TMEM108: variants seen among roughly 807,000 people sequenced by gnomAD.
TMEM108 encodes the protein cancer/testis antigen 124.
A neutral mutation model predicts 35.1 loss-of-function variants in TMEM108; 12 were observed. The observed-to-expected ratio is 0.34, with a 90% CI of 0.22 to 0.55. The LOEUF (loss-of-function observed/expected upper bound fraction) is 0.55, where lower values mean the gene tolerates loss of function less well. Among genes scored for constraint, TMEM108 ranks in the 20% least tolerant of loss-of-function variants. The pLI is 0.89. For missense variants in TMEM108, 680 were observed against 753.3 expected (o/e 0.90, Z 1.14); for synonymous variants, 287 against 308.6 (o/e 0.93, Z 0.73).
intron 2 of TMEM108, among the ~76,000 whole-genome samples, chr3:133,113,176 A>G (rs1234944718): frequency 1.3e-5 from 2 of 152,088 alleles, no homozygotes; most frequent in Non-Finnish European, 2.9e-5. Flanking sequence ...ATGTGAATGG[A>G]TGGGTGGCTC....
chr3:133,326,616 G>C (rs562551664), intron 3 of TMEM108, among the ~76,000 whole-genome samples: 15 of 152,236 alleles, frequency 9.9e-5, no homozygotes, highest in African/African-American at 2.9e-4. Flanking sequence ...CGATGAAGAG[G>C]TGGTGTCTAT....
chr3:133,171,454 G>A (rs1945129812), intron 2 of TMEM108, among the ~76,000 whole-genome samples: 1 of 152,164 alleles, frequency 6.6e-6, no homozygotes, highest in South Asian at 2.1e-4. Context: ...ATAGCTCACT[G>A]CAACCTCAAA....
At chr3:133,315,679 AAAGTAGTT>A (rs1379361959) in intron 3 of TMEM108, among the ~76,000 whole-genome samples, 1 of 152,278 alleles carries the variant, frequency 6.6e-6, no homozygotes, top group Non-Finnish European at 1.5e-5. Flanking sequence ...GGCTGTAGCA[AAAGTAGTT>A]AAGTCTGTCT....
rs557645617 is a variant in TMEM108 at position 133,057,372 on chromosome 3, A to T, written c.-47+11352A>T. On this transcript the variant is annotated intron_variant, in intron 2 of 5. Coordinates refer to ENST00000321871, the MANE Select transcript of TMEM108 (RefSeq NM_023943.4). ...ACTCAAAGTAAGAATAACAATGCTT[A>T]TATTTTTCTAGTTTGATCTACTTTT... Among the ~76,000 whole-genome samples, 4 of 114,724 alleles carry T rather than the reference A, an allele frequency of 3.5e-5. No individual in the cohort carries two copies. The East Asian group carries it at 9.2e-4, about 26-fold the overall frequency. The allele number at this position is 114,724 out of a possible 152,430, so 75.3% of individuals were successfully genotyped here.
intron 2 of TMEM108, among the ~76,000 whole-genome samples, chr3:133,092,499 C>G (rs2107707920): frequency 1.3e-5 from 2 of 151,788 alleles, no homozygotes; most frequent in South Asian, 4.2e-4. Context: ...TTTTTTATTC[C>G]TTGTAACTTT....
chr3:133,283,972 CA>C (rs547406800), intron 3 of TMEM108, among the ~76,000 whole-genome samples: 103 of 148,046 alleles, frequency 7.0e-4, no homozygotes, highest in African/African-American at 2.5e-3. Context: ...TTTAAGCACT[CA>C]GTCGTCACAT....
chr3:133,249,455 C>A (rs747506480), intron 3 of TMEM108, among the ~76,000 whole-genome samples: 1 of 152,130 alleles, frequency 6.6e-6, no homozygotes, highest in Non-Finnish European at 1.5e-5. Flanking sequence ...TTTTACTGCT[C>A]CTCCTTCCCT....
At chr3:133,333,010 G>A (rs2071416468) in intron 3 of TMEM108, among the ~76,000 whole-genome samples, 1 of 152,096 alleles carries the variant, frequency 6.6e-6, no homozygotes, top group Non-Finnish European at 1.5e-5. Flanking sequence ...CATATGCCAT[G>A]GTGACAAGGC....
intron 3 of TMEM108, among the ~76,000 whole-genome samples, chr3:133,296,200 TC>T (rs1224872014): frequency 2.0e-5 from 3 of 152,228 alleles, no homozygotes; most frequent in African/African-American, 7.2e-5. Flanking sequence ...TAAAGAATTT[TC>T]CTATATATCA....
chr3:133,290,648 CA>C (rs986592910), intron 3 of TMEM108, among the ~76,000 whole-genome samples: 1 of 150,650 alleles, frequency 6.6e-6, no homozygotes, highest in Non-Finnish European at 1.5e-5. Flanking sequence ...AACAAATAAA[CA>C]AAAAAACCGA....
intron 2 of TMEM108, among the ~76,000 whole-genome samples, chr3:133,194,084 G>C (rs1945541228): frequency 6.6e-6 from 1 of 151,794 alleles, no homozygotes; most frequent in Non-Finnish European, 1.5e-5. Flanking sequence ...CTACAGGTGT[G>C]TGCCATCACA....
rs761644701 is a variant in TMEM108, at chr3:133,395,883, G to A, written c.1625G>A (p.Arg542His). The change falls in exon 6 of 6, where the codon CGC (arginine) becomes CAC (histidine). Residue 542 changes from arginine (R) to histidine (H), a missense_variant. By Grantham distance (29) the Arg-to-His change is conservative. Coordinates refer to ENST00000321871, the MANE Select transcript of TMEM108 (RefSeq NM_023943.4). ...ETSEDQLSEP[R>H]SPANGDYRDT... ...TCCCAGGACCAGCTCTCAGAGCCCC[G>A]CTCCCCAGCCAATGGCGACTATAGA... 3.2e-6 allele frequency: 5 copies of A among 1,586,274 alleles called. No homozygotes were observed. Among genetic ancestry groups the A allele is most frequent in the South Asian group, 2.3e-5 (2 of 86,696 alleles).
intron 2 of TMEM108, among the ~76,000 whole-genome samples, chr3:133,112,099 C>T (rs573755514): frequency 2.0e-5 from 3 of 151,446 alleles, no homozygotes; most frequent in South Asian, 4.2e-4. Context: ...TTTTCCATTG[C>T]GGGGGAAACA....
chr3:133,137,367 T>G (rs574922259), intron 2 of TMEM108, among the ~76,000 whole-genome samples: 9 of 152,304 alleles, frequency 5.9e-5, no homozygotes, highest in Admixed American at 5.2e-4. Flanking sequence ...TTTTTCTAAT[T>G]TGAAAGAGCA....
chr3:133,315,660 A>G (rs1013463010), intron 3 of TMEM108, among the ~76,000 whole-genome samples: 1 of 152,260 alleles, frequency 6.6e-6, no homozygotes, highest in African/African-American at 2.4e-5. Context: ...CAAACCCAAC[A>G]GCCACAGTGG....
chr3:133,210,590 C>G (rs1286180607), intron 2 of TMEM108, among the ~76,000 whole-genome samples: 1 of 50,848 alleles, frequency 2.0e-5, no homozygotes, highest in African/African-American at 1.5e-4. Flanking sequence ...TCTAGCCTTC[C>G]AGTCATCAAA....
chr3:133,085,800 T>C (rs1943874928), intron 2 of TMEM108, among the ~76,000 whole-genome samples: 1 of 152,006 alleles, frequency 6.6e-6, no homozygotes, highest in South Asian at 2.1e-4. Flanking sequence ...GTGGTTTAGA[T>C]TGTATGGATT....
chr3:133,148,665 C>T (rs931151608), intron 2 of TMEM108, among the ~76,000 whole-genome samples: 1 of 152,036 alleles, frequency 6.6e-6, no homozygotes, highest in Admixed American at 6.6e-5. Context: ...AAGAGAGTCT[C>T]TCAGCTTTTA....
chr3:133,320,228 T>G (rs187213443), intron 3 of TMEM108, among the ~76,000 whole-genome samples: 12 of 151,976 alleles, frequency 7.9e-5, no homozygotes, highest in Admixed American at 3.3e-4. Context: ...ATTAAGTGAC[T>G]CAAGGAAATA....
Sources: gnomAD v4.1 joint callset for allele counts (sites outside exome capture counted in the v4.1 genomes callset) on GRCh38, gnomAD v4.1.1 for gene constraint, MANE v1.5 for transcripts, NCBI Gene and HGNC (gene_info 2026-07-23, HGNC 2026-07-21) for gene names.